The following MEMO1 variants were observed in gnomAD, a reference collection of about 807,000 sequenced individuals.
MEMO1 encodes mediator of cell motility 1, also known as protein MEMO1.
A neutral mutation model predicts 45.2 loss-of-function variants in MEMO1; 6 were observed. The observed-to-expected ratio is 0.13, with a 90% CI of 0.07 to 0.26. MEMO1 has a LOEUF of 0.26. MEMO1 is among the 10% of genes least tolerant of loss of function. The pLI is 1.00. For synonymous variants in MEMO1, 78 were observed against 124.3 expected, an observed-to-expected ratio of 0.63 and a Z score of 2.48; for missense variants, 184 against 370.5, an observed-to-expected ratio of 0.50 and a Z score of 4.13.
At chr2:31,949,823 T>C (rs1356885559) in intron 2 of MEMO1, among the ~76,000 whole-genome samples, 1 of 152,122 alleles carries the variant, frequency 6.6e-6, no homozygotes, top group Admixed American at 6.6e-5. Flanking sequence ...CTTGCAACTA[T>C]TAGCAGAACC....
intron 2 of MEMO1, among the ~76,000 whole-genome samples, chr2:32,004,988 T>C (rs897060078): frequency 1.3e-5 from 2 of 149,982 alleles, no homozygotes; most frequent in Non-Finnish European, 3.0e-5. Context: ...CCCTAAGGCA[T>C]ATATCCATCA....
intron 2 of MEMO1, among the ~76,000 whole-genome samples, chr2:31,959,636 A>G (rs1667783992): frequency 6.6e-6 from 1 of 152,196 alleles, no homozygotes; most frequent in African/African-American, 2.4e-5. Context: ...AAGAAAATGG[A>G]GAAAGCAAAT....
At chr2:31,919,284 C>A (rs1160426854) in intron 5 of MEMO1, among the ~76,000 whole-genome samples, 1 of 151,906 alleles carries the variant, frequency 6.6e-6, no homozygotes, top group Non-Finnish European at 1.5e-5. Context: ...ATGCCCTCCC[C>A]CAACCTACAG....
At chr2:32,000,374 G>C (rs1435068935) in intron 2 of MEMO1, among the ~76,000 whole-genome samples, 2 of 152,152 alleles carry the variant, frequency 1.3e-5, no homozygotes, top group East Asian at 3.9e-4. Context: ...GGGACTACAG[G>C]AACCTGCCAC....
chr2:31,914,034 G>A (rs561364751), intron 6 of MEMO1, among the ~76,000 whole-genome samples: 5 of 152,292 alleles, frequency 3.3e-5, no homozygotes, highest in East Asian at 1.9e-4. Context: ...GATTCACCAC[G>A]TGAAGAGAGA....
chr2:31,950,284 G>A (rs1666687996), intron 2 of MEMO1, among the ~76,000 whole-genome samples: 1 of 151,940 alleles, frequency 6.6e-6, no homozygotes. Context: ...AGGAGGCTGA[G>A]GCAGGAGAAT....
intron 8 of MEMO1, among the ~76,000 whole-genome samples, chr2:31,880,405 G>A (rs1471106950): frequency 6.6e-6 from 1 of 152,174 alleles, no homozygotes; most frequent in Admixed American, 6.5e-5. Context: ...ACTAAGGTAA[G>A]TTTAAACATG....
chr2:31,925,494 A>AAAAAAC, intron 4 of MEMO1, among the ~76,000 whole-genome samples: 1 of 139,084 alleles, frequency 7.2e-6, no homozygotes, highest in Non-Finnish European at 1.6e-5. Context: ...AAAAAAAAAA[A>AAAAAAC]AAAAATCTGT....
chr2:31,920,672 T>C (rs1277797781), intron 5 of MEMO1, 126 bp downstream of exon 5: 1 of 477,428 alleles, frequency 2.1e-6, no homozygotes, highest in Non-Finnish European at 3.4e-6. Flanking sequence ...TGCAGATTAG[T>C]TATAACAATT....
At position 31,996,644 on chromosome 2, in the gene MEMO1, A is replaced by T. The variant is rs1572931967; in HGVS notation, c.61+13543T>A. Among the ~76,000 whole-genome samples the T allele has an allele frequency of 3.3e-5, 5 of 152,338 alleles. No individual in the cohort carries two copies. In the South Asian group the frequency reaches 1.0e-3, roughly 32 times the overall value. On this transcript the variant is annotated intron_variant, in intron 2 of 9. Coordinates refer to ENST00000404530, the MANE Select transcript of MEMO1 (RefSeq NM_001301833.4). ...AATTCATAGAAATAGTGAAAAGAAA[A>T]TCAATAGGAATACAGAAGATTCCAA... is the stretch of plus-strand genomic sequence containing the variant.
chr2:31,870,499 A>G (rs960009810), intron 8 of MEMO1, among the ~76,000 whole-genome samples: 9 of 152,140 alleles, frequency 5.9e-5, no homozygotes, highest in African/African-American at 2.2e-4. Context: ...AGGTTTGTGG[A>G]AAAAAATGAC....
chr2:31,923,146 G>T (rs899569015), intron 4 of MEMO1, among the ~76,000 whole-genome samples: 3 of 151,732 alleles, frequency 2.0e-5, no homozygotes, highest in East Asian at 1.9e-4. Context: ...GTTAATTTTT[G>T]ACTTTTCAAT....
chr2:31,931,166 T>C (rs534702211), intron 4 of MEMO1, among the ~76,000 whole-genome samples: 4 of 152,346 alleles, frequency 2.6e-5, no homozygotes, highest in South Asian at 2.1e-4. Context: ...CAATGAATTA[T>C]AATACAATGT....
In MEMO1 at chr2:32,010,155, G is replaced by A. The variant is rs758077757; in HGVS notation, c.61+32C>T. 2.0e-5 allele frequency: 25 copies of A among 1,232,072 alleles called. No homozygotes were observed. In the Middle Eastern group the frequency reaches 3.0e-3, roughly 146 times the overall value. The allele number at this position is 1,232,072 out of a possible 1,614,324, so 76.3% of individuals were successfully genotyped here. A position where few individuals can be genotyped will look rare whatever the true frequency, so the allele number is the denominator to read the frequency against. On this transcript the variant is annotated intron_variant, in intron 2 of 9. Coordinates refer to ENST00000404530, the MANE Select transcript of MEMO1 (RefSeq NM_001301833.4). ...CCGGGCGTGGGGCCAGGCGGCGACG[G>A]CGGCGGGCGGGCCGGCGGCCTGGGG...
Position 31,933,354 on chromosome 2 carries a change from TATATA to T in MEMO1, c.144-1224_144-1220del, listed in dbSNP as rs1558514425. Among the ~76,000 whole-genome samples the T allele has an allele frequency of 7.1e-3, 122 of 17,148 alleles. 2 individuals carry two copies. Among genetic ancestry groups the T allele is most frequent in the Middle Eastern group, 0.033 (1 of 30 alleles). The allele number at this position is 17,148 out of a possible 152,430, so 11.2% of individuals were successfully genotyped here. ...AAAAAAAAAAAAAAAAAAAAATTTA[TATATA>T]TATATATATATATATATATATATAG... is the stretch of plus-strand genomic sequence containing the variant. On this transcript the variant is annotated intron_variant, in intron 3 of 9. Coordinates refer to ENST00000404530, the MANE Select transcript of MEMO1 (RefSeq NM_001301833.4).
intron 6 of MEMO1, among the ~76,000 whole-genome samples, chr2:31,906,516 G>A (rs1679767779): frequency 6.6e-6 from 1 of 151,368 alleles, no homozygotes; most frequent in African/African-American, 2.4e-5. Flanking sequence ...GTACAGATGG[G>A]GTTTCACCAT....
intron 3 of MEMO1, among the ~76,000 whole-genome samples, chr2:31,934,295 C>T (rs1389372020): frequency 6.6e-6 from 1 of 152,072 alleles, no homozygotes; most frequent in African/African-American, 2.4e-5. Context: ...AATCCCCAAT[C>T]CATACTCTGA....
chr2:31,903,509 G>T (rs1253808568), intron 6 of MEMO1, among the ~76,000 whole-genome samples: 1 of 151,966 alleles, frequency 6.6e-6, no homozygotes, highest in Non-Finnish European at 1.5e-5. Context: ...AATGTCTTTT[G>T]CTACCTCCTC....
rs573440186 is a variant in MEMO1 at position 31,892,518 on chromosome 2, A to G, written c.438-384T>C. Among the ~76,000 whole-genome samples the G allele has an allele frequency of 7.2e-5, 11 of 152,310 alleles. No homozygotes were observed. In the South Asian group the frequency reaches 2.3e-3, roughly 32 times the overall value. On this transcript the variant is annotated intron_variant, in intron 6 of 9. Transcript: ENST00000404530. ...TCATCTGCCAAATCCTTCTGTGATT[A>G]TAAAAGACCATTAAACTCTTCCTCA... is the stretch of plus-strand genomic sequence containing the variant.
Sources: allele counts gnomAD v4.1 joint callset (sites outside exome capture counted in the v4.1 genomes callset), GRCh38; gene constraint gnomAD v4.1.1; transcripts MANE v1.5; gene names NCBI Gene and HGNC (gene_info 2026-07-23, HGNC 2026-07-21).